The following VPS50 variants were observed in gnomAD, a reference collection of about 807,000 sequenced individuals.
VPS50 encodes the protein VPS50 subunit of EARP/GARPII complex, also known as syndetin.
A neutral mutation model predicts 139.7 loss-of-function variants in VPS50; 70 were observed. The ratio of observed to expected loss-of-function variants is 0.50; its 90% CI spans 0.41 to 0.61. The LOEUF is 0.61. Among genes scored for constraint, VPS50 ranks in the 20% least tolerant of loss-of-function variants. The pLI is 0.00. For missense variants in VPS50, 921 were observed against 1,133.7 expected, an observed-to-expected ratio of 0.81 and a Z score of 2.69; for synonymous variants, 365 against 376.7, an observed-to-expected ratio of 0.97 and a Z score of 0.36.
At chr7:93,233,098 A>G (rs1794686574) in intron 1 of VPS50, among the ~76,000 whole-genome samples, 1 of 152,228 alleles carries the variant, frequency 6.6e-6, no homozygotes, top group South Asian at 2.1e-4. Flanking sequence ...TATTTTTGTC[A>G]TGGCAAAATA....
Position 93,349,998 on chromosome 7 carries a change from T to C in VPS50, c.2428T>C (p.Ser810Pro). Residue 810 changes from serine to proline, a missense_variant, in exon 25 of 28, where the codon TCA becomes CCA. Coordinates refer to ENST00000305866, the MANE Select transcript of VPS50 (RefSeq NM_017667.4). ...NVKWDVKEIM[S>P]QHNIYVDALL... ...GAAATGGGATGTAAAAGAAATTATG[T>C]CACAGCACAACATATATGTAGATGC... 6.2e-7 allele frequency: 1 copy of C among 1,613,336 alleles called. No homozygotes were observed. The highest frequency in any genetic ancestry group is 8.5e-7 in the Non-Finnish European group (1 of 1,179,450).
intron 11 of VPS50, 60 bp from the exon 12 acceptor site, chr7:93,276,105 G>T: frequency 7.0e-7 from 1 of 1,437,158 alleles, no homozygotes; most frequent in Non-Finnish European, 9.4e-7. Context: ...TTTTCAATTT[G>T]TTGAAATTTA....
At chr7:93,278,825 A>G (rs1208663032) in intron 12 of VPS50, among the ~76,000 whole-genome samples, 1 of 151,882 alleles carries the variant, frequency 6.6e-6, no homozygotes, top group Non-Finnish European at 1.5e-5. Flanking sequence ...ACACACGTAT[A>G]TGTATATCTA....
intron 22 of VPS50, among the ~76,000 whole-genome samples, chr7:93,337,415 A>T (rs1798097008): frequency 6.6e-6 from 1 of 152,168 alleles, no homozygotes; most frequent in African/African-American, 2.4e-5. Flanking sequence ...GACTATAGAT[A>T]TACCCTCTCC....
intron 24 of VPS50, 86 bp from the exon 25 acceptor site, chr7:93,349,789 A>G (rs1798505655): frequency 1.1e-6 from 1 of 920,612 alleles, no homozygotes; most frequent in Non-Finnish European, 1.7e-6. Flanking sequence ...CAGATATGAT[A>G]TATACTGGAA....
intron 21 of VPS50, among the ~76,000 whole-genome samples, chr7:93,332,971 A>G (rs989205077): frequency 1.3e-5 from 2 of 152,142 alleles, no homozygotes; most frequent in African/African-American, 2.4e-5. Context: ...GGAAGGGGAT[A>G]AGGGCAAAAG....
At chr7:93,285,360 C>G (rs868296089) in intron 12 of VPS50, among the ~76,000 whole-genome samples, 1 of 152,020 alleles carries the variant, frequency 6.6e-6, no homozygotes, top group Non-Finnish European at 1.5e-5. Flanking sequence ...TTTTGATGCT[C>G]TAATATAAAA....
At position 93,314,336 on chromosome 7, in the gene VPS50, A is replaced by G. The variant is rs78257877; in HGVS notation, c.1855+3064A>G. Among the ~76,000 whole-genome samples the G allele has an allele frequency of 7.6e-3, 1,150 of 152,310 alleles. 11 individuals carry two copies. Among genetic ancestry groups the G allele is most frequent in the African/African-American group, 0.026 (1,094 of 41,566 alleles). On this transcript the variant is annotated intron_variant, in intron 20 of 27. Transcript: ENST00000305866. ...GGCAGATAATTAGCAGAGCGTAAAC[A>G]AAAGAGTGTTAATGGGGCTTCCTTA...
intron 8 of VPS50, among the ~76,000 whole-genome samples, chr7:93,258,805 C>A (rs1449548576): frequency 1.3e-5 from 2 of 151,896 alleles, no homozygotes; most frequent in African/African-American, 4.8e-5. Flanking sequence ...TTAGCATTTT[C>A]TGTCTACTTC....
intron 19 of VPS50, 84 bp downstream of exon 19, chr7:93,309,026 C>T (rs888944424): frequency 6.3e-6 from 4 of 630,702 alleles, no homozygotes; most frequent in Non-Finnish European, 2.6e-6. Context: ...TAAGAAGAAA[C>T]AAAAATTATT....
At chr7:93,355,774 C>T (rs111374753) in intron 26 of VPS50, 117 bp from the exon 27 acceptor site, 628 of 541,932 alleles carry the variant, frequency 1.2e-3, no homozygotes, top group Non-Finnish European at 1.8e-3. Context: ...TTTCCTATAA[C>T]CCTCTCATTT....
intron 20 of VPS50, among the ~76,000 whole-genome samples, chr7:93,312,020 T>G (rs1797284051): frequency 6.6e-6 from 1 of 152,168 alleles, no homozygotes; most frequent in Non-Finnish European, 1.5e-5. Flanking sequence ...ATTTACCTAT[T>G]GCCTAGTTTG....
At chr7:93,305,621 A>C (rs1305983545) in intron 17 of VPS50, among the ~76,000 whole-genome samples, 1 of 152,012 alleles carries the variant, frequency 6.6e-6, no homozygotes, top group Middle Eastern at 3.4e-3. Context: ...TTTAAGTGAT[A>C]CCATTCACTG....
At chr7:93,252,628 T>C (rs1795369712) in intron 2 of VPS50, 25 bp from the exon 3 acceptor site, 20 of 1,524,804 alleles carry the variant, frequency 1.3e-5, no homozygotes, top group Non-Finnish European at 1.8e-5. Context: ...ACAATTACTA[T>C]AATTGTGATT....
intron 2 of VPS50, among the ~76,000 whole-genome samples, chr7:93,246,858 A>G (rs1795171458): frequency 6.6e-6 from 1 of 151,888 alleles, no homozygotes; most frequent in Non-Finnish European, 1.5e-5. Flanking sequence ...GAAACCACAA[A>G]CATACTGGGA....
At chr7:93,290,012 TATTAA>T (rs1171799463) in intron 12 of VPS50, among the ~76,000 whole-genome samples, 3 of 152,034 alleles carry the variant, frequency 2.0e-5, no homozygotes, top group African/African-American at 4.8e-5. Context: ...AATCATTTCT[TATTAA>T]ATTCCTAAAA....
chr7:93,271,152 G>GTATGTATT, intron 9 of VPS50, 68 bp from the exon 10 acceptor site: 2 of 1,519,196 alleles, frequency 1.3e-6, no homozygotes, highest in South Asian at 1.3e-5. Flanking sequence ...TATTCAGTTA[G>GTATGTATT]TATGTATTTA....
chr7:93,328,838 A>G (rs947092055), intron 21 of VPS50, among the ~76,000 whole-genome samples: 2 of 152,178 alleles, frequency 1.3e-5, no homozygotes, highest in African/African-American at 2.4e-5. Context: ...GGATTTCCAA[A>G]TTCAGTCCAC....
At chr7:93,328,298 A>G (rs1489670604) in intron 21 of VPS50, among the ~76,000 whole-genome samples, 2 of 152,204 alleles carry the variant, frequency 1.3e-5, no homozygotes, top group Non-Finnish European at 2.9e-5. Flanking sequence ...CACTCATGGC[A>G]TATGGATTGA....
Sources: gnomAD v4.1 joint callset for allele counts (sites outside exome capture counted in the v4.1 genomes callset) on GRCh38, gnomAD v4.1.1 for gene constraint, MANE v1.5 for transcripts, NCBI Gene and HGNC (gene_info 2026-07-23, HGNC 2026-07-21) for gene names.